The following SPIDR variants were observed in gnomAD, a reference collection of about 807,000 sequenced individuals.
The protein encoded by SPIDR is DNA repair-scaffolding protein.
Under a neutral mutation model 104.6 loss-of-function variants are expected in SPIDR, and 93 were observed. The ratio of observed to expected loss-of-function variants is 0.89; its 90% CI spans 0.75 to 1.06. SPIDR has a LOEUF of 1.06. SPIDR is among the 50% of genes least tolerant of loss of function. The pLI is 0.00. For synonymous variants in SPIDR, 431 were observed against 416.9 expected, an observed-to-expected ratio of 1.03 and a Z score of -0.41; for missense variants, 1,154 against 1,111.2, an observed-to-expected ratio of 1.04 and a Z score of -0.55.
At chr8:47,279,811 G>A (rs1226760330) in intron 1 of SPIDR, 51 bp from the exon 2 acceptor site, 3 of 1,549,860 alleles carry the variant, frequency 1.9e-6, no homozygotes, top group Non-Finnish European at 2.6e-6. Context: ...ATTTAATGAA[G>A]TTGATTTTGT....
intron 8 of SPIDR, among the ~76,000 whole-genome samples, chr8:47,460,925 T>C (rs1245492563): frequency 6.6e-6 from 1 of 152,204 alleles, no homozygotes; most frequent in Non-Finnish European, 1.5e-5. Context: ...GAAGCTTAGT[T>C]TCACTTGATA....
intron 8 of SPIDR, among the ~76,000 whole-genome samples, chr8:47,497,865 C>G (rs1024962545): frequency 6.6e-6 from 1 of 152,104 alleles, no homozygotes; most frequent in Non-Finnish European, 1.5e-5. Flanking sequence ...TAAAGACAGG[C>G]TAGCAAGGAA....
intron 9 of SPIDR, among the ~76,000 whole-genome samples, chr8:47,597,194 G>A (rs2061715931): frequency 6.6e-6 from 1 of 152,104 alleles, no homozygotes; most frequent in South Asian, 2.1e-4. Flanking sequence ...GGATGTGCTA[G>A]ACTTTTATGC....
chr8:47,269,138 G>C (rs1738488770), intron 1 of SPIDR, among the ~76,000 whole-genome samples: 1 of 149,626 alleles, frequency 6.7e-6, no homozygotes, highest in African/African-American at 2.5e-5. Context: ...CTGCACTCCA[G>C]CCTGGGCAAC....
intron 5 of SPIDR, among the ~76,000 whole-genome samples, chr8:47,394,238 GCCCCT>G (rs2060984623): frequency 6.6e-6 from 1 of 152,002 alleles, no homozygotes; most frequent in African/African-American, 2.4e-5. Context: ...CTTTCCCTGT[GCCCCT>G]CTTGGCTTTG....
intron 8 of SPIDR, among the ~76,000 whole-genome samples, chr8:47,465,949 G>A (rs2074705466): frequency 6.6e-6 from 1 of 152,056 alleles, no homozygotes; most frequent in South Asian, 2.1e-4. Flanking sequence ...AATGGTAAAG[G>A]GTTCAATTCA....
At chr8:47,439,980 T>A (rs1181916809) in intron 7 of SPIDR, among the ~76,000 whole-genome samples, 4 of 152,208 alleles carry the variant, frequency 2.6e-5, no homozygotes, top group African/African-American at 9.6e-5. Context: ...ATTCTCCTTG[T>A]GGTCATCAAA....
intron 10 of SPIDR, among the ~76,000 whole-genome samples, chr8:47,665,615 G>C (rs2074803828): frequency 6.6e-6 from 1 of 152,100 alleles, no homozygotes; most frequent in Admixed American, 6.6e-5. Context: ...ACATATCTGT[G>C]GAAATGTTAA....
In SPIDR at chr8:47,582,393, C is replaced by T. The variant is rs183884988; in HGVS notation, c.1098-13418C>T. Among the ~76,000 whole-genome samples, 348 of 152,276 alleles carry T rather than the reference C, an allele frequency of 2.3e-3. 3 individuals are homozygous for T. Among genetic ancestry groups the T allele is most frequent in the Non-Finnish European group, 4.4e-3 (299 of 68,018 alleles). ...TAGGAAAATAAAAGTAAACATCTTT[C>T]GTGAAACTGGGAATTCCTAAAACAA... On this transcript the variant is annotated intron_variant, in intron 8 of 19. Transcript: ENST00000297423.
At chr8:47,591,005 A>C (rs1330986585) in intron 8 of SPIDR, among the ~76,000 whole-genome samples, 1 of 151,560 alleles carries the variant, frequency 6.6e-6, no homozygotes, top group Non-Finnish European at 1.5e-5. Context: ...ATCTTTTCTC[A>C]TTTTTTACTT....
At chr8:47,652,918 CTG>C (rs1179637364) in intron 10 of SPIDR, among the ~76,000 whole-genome samples, 1 of 152,176 alleles carries the variant, frequency 6.6e-6, no homozygotes, top group Non-Finnish European at 1.5e-5. Flanking sequence ...TGATTCAACA[CTG>C]TGTTTCCTGT....
chr8:47,624,145 A>G (rs369307259), intron 10 of SPIDR, among the ~76,000 whole-genome samples: 3,096 of 152,292 alleles, frequency 0.02, 63 homozygotes, highest in Non-Finnish European at 0.025. Flanking sequence ...TACTGGGTAC[A>G]TAACGAAATG....
intron 5 of SPIDR, among the ~76,000 whole-genome samples, chr8:47,306,570 A>T (rs1430684362): frequency 3.3e-5 from 5 of 152,190 alleles, no homozygotes; most frequent in Non-Finnish European, 2.9e-5. Context: ...AAGAATATGT[A>T]TGCTATTGTT....
intron 8 of SPIDR, among the ~76,000 whole-genome samples, chr8:47,532,313 C>A (rs2086160074): frequency 6.6e-6 from 1 of 152,120 alleles, no homozygotes; most frequent in South Asian, 2.1e-4. Context: ...AGGTGATCCA[C>A]CTGCCTTGGC....
At chr8:47,472,330 G>C (rs1168147378) in intron 8 of SPIDR, among the ~76,000 whole-genome samples, 1 of 152,160 alleles carries the variant, frequency 6.6e-6, no homozygotes, top group Non-Finnish European at 1.5e-5. Context: ...AAGAAGTCTT[G>C]GTAGAGAGCT....
intron 5 of SPIDR, among the ~76,000 whole-genome samples, chr8:47,381,073 G>A (rs945092670): frequency 2.0e-5 from 3 of 152,188 alleles, no homozygotes; most frequent in Non-Finnish European, 2.9e-5. Context: ...AGTTCTTAAC[G>A]CGTAAACAGA....
intron 5 of SPIDR, among the ~76,000 whole-genome samples, chr8:47,294,714 T>G (rs2040530897): frequency 6.6e-6 from 1 of 152,228 alleles, no homozygotes; most frequent in East Asian, 1.9e-4. Flanking sequence ...CACTGTAGCC[T>G]TGATCTCCTG....
intron 8 of SPIDR, among the ~76,000 whole-genome samples, chr8:47,545,396 A>G (rs1263658004): frequency 6.6e-6 from 1 of 151,962 alleles, no homozygotes; most frequent in Non-Finnish European, 1.5e-5. Context: ...CTAAAATTAT[A>G]AAAAGTGTTG....
At chr8:47,364,200 T>C (rs918149141) in intron 5 of SPIDR, among the ~76,000 whole-genome samples, 1 of 152,228 alleles carries the variant, frequency 6.6e-6, no homozygotes. Context: ...TAATCCTGTA[T>C]AGGCTTGAAA....
Sources: allele counts gnomAD v4.1 joint callset (sites outside exome capture counted in the v4.1 genomes callset), GRCh38; gene constraint gnomAD v4.1.1; transcripts MANE v1.5; gene names NCBI Gene and HGNC (gene_info 2026-07-23, HGNC 2026-07-21).